The following CSMD1 variants were observed in gnomAD, a reference collection of about 807,000 sequenced individuals.
The protein encoded by CSMD1 is CUB and sushi domain-containing protein 1.
In CSMD1, 213 loss-of-function variants were observed where a neutral mutation model predicts 417.5. The ratio of observed to expected loss-of-function variants is 0.51; its 90% CI spans 0.46 to 0.57. The LOEUF is 0.57. CSMD1 is among the 20% of genes least tolerant of loss of function. The pLI is 0.00. For synonymous variants in CSMD1, 2,862 were observed against 1,736.8 expected, an observed-to-expected ratio of 1.65 and a Z score of -16.11; for missense variants, 6,923 against 4,529.7, an observed-to-expected ratio of 1.53 and a Z score of -15.17.
chr8:3,965,366 T>A (rs748410020), intron 5 of CSMD1, among the ~76,000 whole-genome samples: 1 of 152,200 alleles, frequency 6.6e-6, no homozygotes, highest in Non-Finnish European at 1.5e-5. Context: ...TTGAAGAGTT[T>A]GTGTGAACAA....
chr8:4,931,012 G>T (rs1238182032), intron 1 of CSMD1, among the ~76,000 whole-genome samples: 2 of 152,088 alleles, frequency 1.3e-5, no homozygotes, highest in Non-Finnish European at 2.9e-5. Context: ...ATTATCAATG[G>T]GAGACATGAG....
chr8:2,998,231 T>C (rs779148963), intron 53 of CSMD1, 47 bp from the exon 54 acceptor site: 9 of 1,578,648 alleles, frequency 5.7e-6, no homozygotes, highest in Non-Finnish European at 6.1e-6. Flanking sequence ...GAACAGGTCA[T>C]CACTTTCCCT....
chr8:3,307,089 G>T (rs577189000), intron 25 of CSMD1, among the ~76,000 whole-genome samples: 2 of 152,232 alleles, frequency 1.3e-5, no homozygotes, highest in South Asian at 2.1e-4. Context: ...TTTAAAATAT[G>T]ACTTTGCTTC....
chr8:3,624,822 A>T (rs1489851842), intron 7 of CSMD1, among the ~76,000 whole-genome samples: 1 of 152,176 alleles, frequency 6.6e-6, no homozygotes, highest in Non-Finnish European at 1.5e-5. Context: ...TAGACTCAGT[A>T]TTATCTCATT....
At chr8:3,525,563 G>A (rs1046651074) in intron 10 of CSMD1, among the ~76,000 whole-genome samples, 1 of 152,150 alleles carries the variant, frequency 6.6e-6, no homozygotes, top group East Asian at 1.9e-4. Flanking sequence ...TCTCTTGACA[G>A]TTCAGGGAAC....
intron 17 of CSMD1, among the ~76,000 whole-genome samples, chr8:3,394,331 G>A (rs193151552): frequency 1.3e-5 from 2 of 149,532 alleles, no homozygotes; most frequent in African/African-American, 2.4e-5. Flanking sequence ...AAGCTAAATA[G>A]AAATTTATGA....
At position 4,176,972 on chromosome 8, in the gene CSMD1, A is replaced by T. The variant is rs546946877; in HGVS notation, c.416-144873T>A. Among the ~76,000 whole-genome samples, 33 of 151,834 alleles carry T rather than the reference A, an allele frequency of 2.2e-4. 1 individual carries two copies. Among genetic ancestry groups the T allele is most frequent in the African/African-American group, 8.0e-4 (33 of 41,358 alleles). On this transcript the variant is annotated intron_variant, in intron 3 of 69. Coordinates refer to ENST00000635120, the MANE Select transcript of CSMD1 (RefSeq NM_033225.6). ...ACAAAGAGACTTAGACTCCCACACA[A>T]TAAAAATGGGAGACTTTAACACCCC...
chr8:4,728,412 A>C (rs1466721777), intron 1 of CSMD1, among the ~76,000 whole-genome samples: 1 of 152,058 alleles, frequency 6.6e-6, no homozygotes, highest in Non-Finnish European at 1.5e-5. Context: ...TGGAGACTAT[A>C]AATTCCTGAG....
At chr8:3,539,750 C>A in intron 10 of CSMD1, among the ~76,000 whole-genome samples, 1 of 136,186 alleles carries the variant, frequency 7.3e-6, no homozygotes. Flanking sequence ...AATCTCTAGC[C>A]CTTTCTTTAT....
intron 41 of CSMD1, among the ~76,000 whole-genome samples, chr8:3,137,521 G>C (rs1818173117): frequency 6.6e-6 from 1 of 152,198 alleles, no homozygotes; most frequent in Non-Finnish European, 1.5e-5. Flanking sequence ...GCAGTGTATT[G>C]TTTTCAGTAA....
intron 1 of CSMD1, among the ~76,000 whole-genome samples, chr8:4,761,601 T>C (rs1812072403): frequency 6.6e-6 from 1 of 152,090 alleles, no homozygotes; most frequent in Admixed American, 6.6e-5. Flanking sequence ...CCTCTTATTA[T>C]AAACCATTTA....
intron 1 of CSMD1, among the ~76,000 whole-genome samples, chr8:4,881,271 T>A (rs559077260): frequency 1.3e-5 from 2 of 152,158 alleles, no homozygotes; most frequent in East Asian, 3.8e-4. Context: ...TGTGACTTCA[T>A]TGCCAGACTG....
At chr8:3,811,474 T>C (rs1033717490) in intron 5 of CSMD1, among the ~76,000 whole-genome samples, 38 of 152,270 alleles carry the variant, frequency 2.5e-4, no homozygotes, top group African/African-American at 9.1e-4. Flanking sequence ...GACATTTGGT[T>C]TTTCCCAACC....
At chr8:2,975,839 G>T (rs772682475) in intron 55 of CSMD1, among the ~76,000 whole-genome samples, 32 of 152,104 alleles carry the variant, frequency 2.1e-4, no homozygotes, top group Non-Finnish European at 2.4e-4. Context: ...ACACCAAGCG[G>T]AGTGAACTGG....
intron 26 of CSMD1, among the ~76,000 whole-genome samples, chr8:3,255,006 C>G (rs527771540): frequency 2.6e-5 from 4 of 152,242 alleles, no homozygotes; most frequent in African/African-American, 9.6e-5. Context: ...GTGGTTTTAT[C>G]TACCTTTGGT....
chr8:4,775,912 C>A (rs926507989), intron 1 of CSMD1, among the ~76,000 whole-genome samples: 2 of 152,162 alleles, frequency 1.3e-5, no homozygotes, highest in Non-Finnish European at 2.9e-5. Context: ...TAGGGAGTGG[C>A]ACGCCGCAGC....
At chr8:4,894,179 C>G (rs1030703682) in intron 1 of CSMD1, among the ~76,000 whole-genome samples, 2 of 152,024 alleles carry the variant, frequency 1.3e-5, no homozygotes, top group African/African-American at 4.8e-5. Context: ...GTTATTAGCT[C>G]TTTCTATATG....
intron 2 of CSMD1, among the ~76,000 whole-genome samples, chr8:4,457,047 CAG>C (rs1799533431): frequency 6.6e-6 from 1 of 150,902 alleles, no homozygotes; most frequent in African/African-American, 2.4e-5. Flanking sequence ...TGGAGCATCT[CAG>C]AGAATTAAGC....
chr8:4,510,468 G>T (rs749165256), intron 2 of CSMD1, among the ~76,000 whole-genome samples: 33 of 137,784 alleles, frequency 2.4e-4, no homozygotes, highest in African/African-American at 8.7e-4. Flanking sequence ...TAAGGGACAA[G>T]GGAAGAGACT....
Sources: allele counts gnomAD v4.1 joint callset (sites outside exome capture counted in the v4.1 genomes callset), GRCh38; gene constraint gnomAD v4.1.1; transcripts MANE v1.5; gene names NCBI Gene and HGNC (gene_info 2026-07-23, HGNC 2026-07-21).